The following NOL4 variants were observed in gnomAD, a reference collection of about 807,000 sequenced individuals.
NOL4 encodes the protein nucleolar protein 4.
A neutral mutation model predicts 75.9 loss-of-function variants in NOL4; 17 were observed. That is an observed-to-expected ratio of 0.22 (90% CI 0.15 to 0.34). NOL4 has a LOEUF of 0.34. Among genes scored for constraint, NOL4 ranks in the 10% least tolerant of loss-of-function variants. The pLI, the probability that NOL4 is intolerant of heterozygous loss-of-function variation, is 1.00. For missense variants in NOL4, 614 were observed against 793.5 expected (o/e 0.77, Z 2.72); for synonymous variants, 292 against 289.9 (o/e 1.01, Z -0.07).
At chr18:34,149,342 AG>A in intron 1 of NOL4, among the ~76,000 whole-genome samples, 1 of 151,798 alleles carries the variant, frequency 6.6e-6, no homozygotes, top group African/African-American at 2.4e-5. Flanking sequence ...TTCAGAGATA[AG>A]GGTCAATCTT....
chr18:34,099,375 A>AAAAAAAAAAAAAAAAAAAAAAAC (rs1222045912), intron 4 of NOL4, among the ~76,000 whole-genome samples: 2 of 150,248 alleles, frequency 1.3e-5, no homozygotes, highest in Admixed American at 6.7e-5. Flanking sequence ...AAAAAAAAAA[A>AAAAAAAAAAAAAAAAAAAAAAAC]AAGACAACTA....
At chr18:34,027,433 T>C (rs1056450387) in intron 5 of NOL4, among the ~76,000 whole-genome samples, 3 of 152,218 alleles carry the variant, frequency 2.0e-5, no homozygotes, top group African/African-American at 2.4e-5. Context: ...AGAACACCTC[T>C]TCCTCTGAGG....
Position 33,957,375 on chromosome 18 carries a change from C to T in NOL4, c.1379G>A (p.Arg460His), listed in dbSNP as rs534475104. ...CCGCCTGCAGGACTTGAGGTAAGTA[C>T]GTATACGTTTTCTGGCACGCTCTTG... is the stretch of plus-strand genomic sequence containing the variant. Reference protein sequence around the residue: ...EYQERARKRIRTYLKSCRRMK... With the variant: ...EYQERARKRIHTYLKSCRRMK... The change falls in exon 8 of 11, where the codon CGT becomes CAT. Residue 460 changes from arginine (R) to histidine (H), a missense_variant. This residue lies in a region of NOL4 where 52 missense variants were observed against 121.1 expected (regional missense o/e 0.43). Coordinates refer to ENST00000261592, the MANE Select transcript of NOL4 (RefSeq NM_003787.5). 4.3e-6 allele frequency: 7 copies of T among 1,613,682 alleles called. No homozygotes were observed. Among genetic ancestry groups the T allele is most frequent in the Admixed American group, 1.7e-5 (1 of 59,966 alleles).
At chr18:34,171,046 C>G (rs1041878210) in intron 1 of NOL4, among the ~76,000 whole-genome samples, 1 of 152,122 alleles carries the variant, frequency 6.6e-6, no homozygotes, top group Non-Finnish European at 1.5e-5. Flanking sequence ...TTGAGGCTTT[C>G]TTTTAATTCA....
At chr18:33,996,088 A>G (rs1319669142) in intron 6 of NOL4, among the ~76,000 whole-genome samples, 1 of 151,706 alleles carries the variant, frequency 6.6e-6, no homozygotes, top group Admixed American at 6.6e-5. Context: ...GGATGAATTA[A>G]CCAAAGATCA....
At chr18:34,184,905 G>T (rs2034337146) in intron 1 of NOL4, among the ~76,000 whole-genome samples, 2 of 152,108 alleles carry the variant, frequency 1.3e-5, no homozygotes, top group Admixed American at 1.3e-4. Flanking sequence ...GGGTGAAACT[G>T]AAATTTGGGT....
At chr18:34,011,717 T>C (rs1296727140) in intron 6 of NOL4, among the ~76,000 whole-genome samples, 1 of 151,786 alleles carries the variant, frequency 6.6e-6, no homozygotes, top group East Asian at 1.9e-4. Context: ...ATAGACAACT[T>C]CTTTTTGAGG....
Position 34,019,476 on chromosome 18 carries a change from C to G in NOL4, c.898G>C (p.Asp300His), listed in dbSNP as rs370898845. 2 of 1,613,908 alleles carry G rather than the reference C, an allele frequency of 1.2e-6. No individual in the cohort carries two copies. Among genetic ancestry groups the G allele is most frequent in the African/African-American group, 2.7e-5 (2 of 74,896 alleles). Residue 300 changes from aspartate (D) to histidine (H), a missense_variant, in exon 6 of 11, where the codon GAT (aspartate) becomes CAT (histidine). Physicochemically the swap from Asp to His is moderately conservative, Grantham distance 81. Transcript: ENST00000261592. ...NSDGKTGLEQ[D>H]EQPLNLSDSP... Reference sequence around the variant, plus strand: ...TCACTCAGGTTCAGTGGCTGTTCATCTTGCTCCAGCCCAGTTTTGCCATCA... The same window carrying G: ...TCACTCAGGTTCAGTGGCTGTTCATGTTGCTCCAGCCCAGTTTTGCCATCA...
At chr18:33,968,689 C>T (rs2070801323) in intron 6 of NOL4, among the ~76,000 whole-genome samples, 1 of 152,120 alleles carries the variant, frequency 6.6e-6, no homozygotes, top group South Asian at 2.1e-4. Flanking sequence ...TGCTCACTAC[C>T]TGTGTGAGGG....
chr18:34,013,175 T>C (rs1600248406), intron 6 of NOL4, among the ~76,000 whole-genome samples: 1 of 152,014 alleles, frequency 6.6e-6, no homozygotes. Flanking sequence ...AGTATCCCAA[T>C]ATCAAAACTG....
intron 1 of NOL4, chr18:34,156,493 T>A (rs2030415037): frequency 6.6e-6 from 1 of 152,134 alleles, no homozygotes; most frequent in South Asian, 2.1e-4. Flanking sequence ...CAGTTAAGGT[T>A]CTAAAAGTAT....
chr18:33,865,683 T>A (rs956832556), intron 10 of NOL4, among the ~76,000 whole-genome samples: 25 of 152,156 alleles, frequency 1.6e-4, no homozygotes, highest in African/African-American at 5.8e-4. Flanking sequence ...CATCTTCAGA[T>A]AACTTACCCT....
chr18:33,924,773 G>A (rs960042879), intron 9 of NOL4, among the ~76,000 whole-genome samples: 2 of 152,194 alleles, frequency 1.3e-5, no homozygotes, highest in African/African-American at 4.8e-5. Flanking sequence ...AGTGCTGATA[G>A]TTGTTGCTAC....
intron 5 of NOL4, among the ~76,000 whole-genome samples, chr18:34,089,355 A>C (rs1200102572): frequency 6.6e-6 from 1 of 152,200 alleles, no homozygotes; most frequent in Non-Finnish European, 1.5e-5. Flanking sequence ...AACTGTTAAA[A>C]TAGGAATTTC....
At chr18:34,018,964 T>A (rs1311278322) in intron 6 of NOL4, among the ~76,000 whole-genome samples, 1 of 152,112 alleles carries the variant, frequency 6.6e-6, no homozygotes, top group Admixed American at 6.6e-5. Flanking sequence ...AACTAGATAG[T>A]GATCCTTTTA....
At chr18:33,969,501 T>C (rs1049468051) in intron 6 of NOL4, among the ~76,000 whole-genome samples, 1 of 152,164 alleles carries the variant, frequency 6.6e-6, no homozygotes, top group Non-Finnish European at 1.5e-5. Flanking sequence ...TTCCAAAAGG[T>C]CAAAATTGAA....
intron 4 of NOL4, among the ~76,000 whole-genome samples, chr18:34,097,399 G>T (rs2078837851): frequency 8.5e-6 from 1 of 117,824 alleles, no homozygotes; most frequent in South Asian, 2.6e-4. Context: ...ATATCCCCAG[G>T]TCCCACATAT....
chr18:33,908,715 C>T (rs533353952), intron 9 of NOL4, among the ~76,000 whole-genome samples: 23 of 152,106 alleles, frequency 1.5e-4, no homozygotes, highest in East Asian at 7.7e-4. Flanking sequence ...AGTGATAATG[C>T]TTTTATATTA....
chr18:34,114,230 T>C (rs866646655), intron 2 of NOL4, among the ~76,000 whole-genome samples: 63 of 152,322 alleles, frequency 4.1e-4, no homozygotes, highest in African/African-American at 1.5e-3. Flanking sequence ...TTCTAGAATA[T>C]TGGTGAGAAC....
Sources: allele counts gnomAD v4.1 joint callset (sites outside exome capture counted in the v4.1 genomes callset), GRCh38; gene constraint gnomAD v4.1.1; regional missense constraint gnomAD v4.1.1; transcripts MANE v1.5; gene names NCBI Gene and HGNC (gene_info 2026-07-23, HGNC 2026-07-21).